The following NXPE2 variants were observed in gnomAD, a reference collection of about 807,000 sequenced individuals.
NXPE2 encodes neurexophilin and PC-esterase domain family member 2, also known as NXPE family member 2.
NXPE2 carries 34 observed loss-of-function variants against 34.4 expected under a neutral mutation model. That is an observed-to-expected ratio of 0.99 (90% CI 0.75 to 1.31). The LOEUF (loss-of-function observed/expected upper bound fraction) is 1.31, where lower values mean the gene tolerates loss of function less well. NXPE2 is among the 40% of genes most tolerant of loss of function. The probability of loss-of-function intolerance (pLI) is 0.00; values close to 1 mark genes in which losing one functional copy is unlikely to be tolerated. For synonymous variants in NXPE2, 235 were observed against 231.3 expected (o/e 1.02, Z -0.15); for missense variants, 649 against 672.5 (o/e 0.97, Z 0.39).
chr11:114,637,761 T>G, the NXPE2 span, among the ~76,000 whole-genome samples: 1 of 151,818 alleles, frequency 6.6e-6, no homozygotes, highest in African/African-American at 2.4e-5. Flanking sequence ...GGGTTGAAAA[T>G]TCTTCTCTTT....
At chr11:114,629,317 C>A in the NXPE2 span, among the ~76,000 whole-genome samples, 6 of 152,048 alleles carry the variant, frequency 3.9e-5, no homozygotes, top group Non-Finnish European at 5.9e-5. Context: ...AAAAGCTTAT[C>A]CACCATGATC....
chr11:114,646,410 G>A, the NXPE2 span, among the ~76,000 whole-genome samples: 1 of 151,792 alleles, frequency 6.6e-6, no homozygotes. Context: ...TGGTATTTCA[G>A]TGAATTATAT....
chr11:114,649,180 G>A, the NXPE2 span, among the ~76,000 whole-genome samples: 1 of 151,012 alleles, frequency 6.6e-6, no homozygotes, highest in Admixed American at 6.6e-5. Context: ...ACTTTTGAAG[G>A]GTCTGGACCA....
At chr11:114,586,447 C>A in the NXPE2 span, among the ~76,000 whole-genome samples, 2 of 152,150 alleles carry the variant, frequency 1.3e-5, no homozygotes, top group Non-Finnish European at 2.9e-5. Context: ...ATTTAAAAAT[C>A]AAACCAAATA....
At chr11:114,583,032 A>G in the NXPE2 span, 3 of 1,596,568 alleles carry the variant, frequency 1.9e-6, no homozygotes, top group African/African-American at 4.0e-5. Flanking sequence ...CTGAAATGAC[A>G]GCAAATGTGA....
the NXPE2 span, chr11:114,584,773 A>G: frequency 1.3e-5 from 2 of 152,420 alleles, no homozygotes; most frequent in Non-Finnish European, 2.9e-5. Flanking sequence ...TATGTCTTCT[A>G]TTTCTCCAGG....
At chr11:114,595,428 A>G in the NXPE2 span, among the ~76,000 whole-genome samples, 1 of 152,108 alleles carries the variant, frequency 6.6e-6, no homozygotes, top group Non-Finnish European at 1.5e-5. Context: ...AGATTGCTTG[A>G]ATGCTGCCTT....
At chr11:114,653,272 C>G in the NXPE2 span, among the ~76,000 whole-genome samples, 1 of 152,292 alleles carries the variant, frequency 6.6e-6, no homozygotes, top group Admixed American at 6.5e-5. Flanking sequence ...TAAAAATGTT[C>G]TATAAGGGCT....
At chr11:114,749,715 T>A in the NXPE2 span, among the ~76,000 whole-genome samples, 1 of 152,184 alleles carries the variant, frequency 6.6e-6, no homozygotes, top group Non-Finnish European at 1.5e-5. Flanking sequence ...ATTGCTACCA[T>A]CCCTTCTTCA....
chr11:114,639,721 T>A, the NXPE2 span, among the ~76,000 whole-genome samples: 6 of 127,802 alleles, frequency 4.7e-5, no homozygotes, highest in South Asian at 1.2e-3. Flanking sequence ...ATATATAATA[T>A]AGTAATATAA....
At chr11:114,599,268 A>G in the NXPE2 span, among the ~76,000 whole-genome samples, 1 of 152,156 alleles carries the variant, frequency 6.6e-6, no homozygotes, top group Admixed American at 6.5e-5. Context: ...TCCGATTCCC[A>G]GTAAGTTCCT....
the NXPE2 span, among the ~76,000 whole-genome samples, chr11:114,603,858 C>G: frequency 6.6e-6 from 1 of 151,048 alleles, no homozygotes; most frequent in African/African-American, 2.5e-5. Context: ...TGCCTCCTCT[C>G]CTAGGTAACT....
the NXPE2 span, among the ~76,000 whole-genome samples, chr11:114,732,635 A>G: frequency 6.6e-6 from 1 of 152,132 alleles, no homozygotes; most frequent in Non-Finnish European, 1.5e-5. Context: ...GTCATTGTTC[A>G]GTCCTTGGAC....
At chr11:114,693,456 G>C (rs762476052) in intron 2 of NXPE2, among the ~76,000 whole-genome samples, 15 of 152,120 alleles carry the variant, frequency 9.9e-5, no homozygotes, top group Admixed American at 9.8e-4. Flanking sequence ...GGACCGGACC[G>C]CTGCCCATGT....
chr11:114,576,829 G>T, the NXPE2 span, among the ~76,000 whole-genome samples: 37 of 151,564 alleles, frequency 2.4e-4, 1 homozygote, highest in African/African-American at 6.5e-4. Flanking sequence ...CAGCAATCCT[G>T]CTTCTTGGTA....
the NXPE2 span, among the ~76,000 whole-genome samples, chr11:114,612,283 C>T: frequency 1.3e-5 from 2 of 151,636 alleles, no homozygotes; most frequent in Non-Finnish European, 1.5e-5. Flanking sequence ...CCACTATTAC[C>T]CGTTGGATAA....
At chr11:114,474,022 G>A in the NXPE2 span, among the ~76,000 whole-genome samples, 1 of 152,078 alleles carries the variant, frequency 6.6e-6, no homozygotes, top group Non-Finnish European at 1.5e-5. Flanking sequence ...ATATATTCAA[G>A]GTTTCCAGTA....
At chr11:114,761,178 C>T in the NXPE2 span, among the ~76,000 whole-genome samples, 2 of 152,148 alleles carry the variant, frequency 1.3e-5, no homozygotes, top group Non-Finnish European at 2.9e-5. Flanking sequence ...AAACTCAGCT[C>T]CTGACACCTA....
At chr11:114,583,205 A>G in the NXPE2 span, 3 of 759,410 alleles carry the variant, frequency 4.0e-6, no homozygotes, top group Non-Finnish European at 6.4e-6. Context: ...AAAGGCATAG[A>G]ATGGAGATTG....
Sources: allele counts gnomAD v4.1 joint callset (sites outside exome capture counted in the v4.1 genomes callset), GRCh38; gene constraint gnomAD v4.1.1; transcripts MANE v1.5; gene names NCBI Gene and HGNC (gene_info 2026-07-23, HGNC 2026-07-21).